Variants in CEP128 observed in about 807,000 individuals in gnomAD.
The protein encoded by CEP128 is centrosomal protein 128kDa.
CEP128 carries 132 observed loss-of-function variants against 156.7 expected under a neutral mutation model. The ratio of observed to expected loss-of-function variants is 0.84; its 90% CI spans 0.73 to 0.97. The LOEUF is 0.97. CEP128 is among the 50% of genes least tolerant of loss of function. The probability of loss-of-function intolerance (pLI) is 0.00; values close to 1 mark genes in which losing one functional copy is unlikely to be tolerated. For missense variants in CEP128, 1,252 were observed against 1,281.9 expected, an observed-to-expected ratio of 0.98 and a Z score of 0.36; for synonymous variants, 469 against 448.9, an observed-to-expected ratio of 1.04 and a Z score of -0.57.
chr14:80,622,479 G>C (rs1407425947), intron 19 of CEP128, among the ~76,000 whole-genome samples: 1 of 148,998 alleles, frequency 6.7e-6, no homozygotes, highest in East Asian at 2.0e-4. Context: ...AAACTAAAGA[G>C]CTTCTGCACA....
chr14:80,675,199 G>C (rs1482823773), intron 19 of CEP128, among the ~76,000 whole-genome samples: 1 of 151,978 alleles, frequency 6.6e-6, no homozygotes, highest in Non-Finnish European at 1.5e-5. Context: ...GCTATTCAAA[G>C]TGTGTTGATG....
chr14:80,758,913 A>G (rs1332028785), intron 17 of CEP128, among the ~76,000 whole-genome samples: 1 of 152,212 alleles, frequency 6.6e-6, no homozygotes, highest in African/African-American at 2.4e-5. Context: ...AAGGTCATAT[A>G]TTAGAAATTT....
At chr14:80,548,593 T>C (rs1890085843) in intron 21 of CEP128, among the ~76,000 whole-genome samples, 1 of 152,212 alleles carries the variant, frequency 6.6e-6, no homozygotes, top group African/African-American at 2.4e-5. Flanking sequence ...GATACTGCCA[T>C]TGTGCTTTAC....
intron 13 of CEP128, among the ~76,000 whole-genome samples, chr14:80,808,184 T>G (rs1381404322): frequency 6.6e-6 from 1 of 152,094 alleles, no homozygotes; most frequent in Non-Finnish European, 1.5e-5. Context: ...AATAGAAAAG[T>G]GAGACACCTT....
intron 8 of CEP128, among the ~76,000 whole-genome samples, chr14:80,891,369 A>C (rs867378877): frequency 1.3e-5 from 2 of 152,126 alleles, no homozygotes; most frequent in East Asian, 3.8e-4. Flanking sequence ...AGTACTATTC[A>C]GCCAAAAAAA....
rs1566831557 is a variant in CEP128 at position 80,647,053 on chromosome 14, A to ATGTGTGTGTG, written c.2807-66631_2807-66630insCACACACACA. On this transcript the variant is annotated intron_variant, in intron 19 of 24. Transcript: ENST00000555265. ...TGTGTGCATGTATATATATATATAT[A>ATGTGTGTGTG]TATATATATATATATATATATATAT... 3.2e-3 allele frequency among the ~76,000 whole-genome samples: 44 copies of ATGTGTGTGTG among 13,718 alleles called. 5 individuals carry two copies. Among genetic ancestry groups the ATGTGTGTGTG allele is most frequent in the East Asian group, 7.6e-3 (2 of 264 alleles). 9.0% of individuals were successfully genotyped at this position (13,718 alleles called of 152,430 possible).
chr14:80,533,768 A>G (rs568278579), intron 21 of CEP128, among the ~76,000 whole-genome samples: 1 of 152,212 alleles, frequency 6.6e-6, no homozygotes, highest in Admixed American at 6.5e-5. Context: ...CATTGCTTAT[A>G]AATATCTTCC....
intron 20 of CEP128, among the ~76,000 whole-genome samples, chr14:80,561,106 A>G (rs1890653211): frequency 6.6e-6 from 1 of 152,184 alleles, no homozygotes; most frequent in Admixed American, 6.5e-5. Context: ...GCTCACTTAT[A>G]AAGACTTCTG....
intron 2 of CEP128, among the ~76,000 whole-genome samples, chr14:80,924,994 G>A (rs1421479421): frequency 6.6e-6 from 1 of 152,082 alleles, no homozygotes; most frequent in East Asian, 1.9e-4. Flanking sequence ...TGAATCACAA[G>A]TTTCTGGTTT....
intron 13 of CEP128, among the ~76,000 whole-genome samples, chr14:80,826,078 C>T (rs1885459549): frequency 6.9e-6 from 1 of 145,708 alleles, no homozygotes; most frequent in East Asian, 2.2e-4. Flanking sequence ...TGCACTCCAC[C>T]CTGGGTGACA....
At chr14:80,631,495 T>C (rs1385856886) in intron 19 of CEP128, among the ~76,000 whole-genome samples, 1 of 152,058 alleles carries the variant, frequency 6.6e-6, no homozygotes, top group Non-Finnish European at 1.5e-5. Flanking sequence ...TTACATACCA[T>C]TAATATGCTT....
At chr14:80,732,471 G>GGTGTGTGTGTGTGTGTGT (rs10672093) in intron 19 of CEP128, among the ~76,000 whole-genome samples, 15 of 127,726 alleles carry the variant, frequency 1.2e-4, no homozygotes, top group Admixed American at 4.0e-4. Context: ...TGATTAAGCA[G>GGTGTGTGTGTGTGTGTGT]GTGTGTGTGT....
chr14:80,748,148 T>C (rs1899202824), intron 18 of CEP128, among the ~76,000 whole-genome samples: 1 of 152,146 alleles, frequency 6.6e-6, no homozygotes, highest in Admixed American at 6.5e-5. Flanking sequence ...CTCTGTCTTG[T>C]CTGGATGTCA....
Position 80,838,230 on chromosome 14 carries a change from C to G in CEP128, c.898G>C (p.Gly300Arg). Residue 300 changes from glycine to arginine, a missense_variant, in exon 11 of 25, where the codon GGC becomes CGC. Physicochemically the swap from Gly to Arg is moderately radical, Grantham distance 125. Transcript: ENST00000555265. ...TGATGCAAAAGTGTTTCTCGGCTGC[C>G]TTCTGATTGATTCAATAACCTTCGA... ...LSRRLLNQSEGSRETLLHQVE... is the reference protein window; with the variant it reads ...LSRRLLNQSERSRETLLHQVE... 1 of 1,613,278 alleles carries G rather than the reference C, an allele frequency of 6.2e-7. No homozygotes were observed. The highest frequency in any genetic ancestry group is 8.5e-7 in the Non-Finnish European group (1 of 1,179,496).
At chr14:80,596,729 C>T (rs1386458769) in intron 19 of CEP128, among the ~76,000 whole-genome samples, 2 of 76,630 alleles carry the variant, frequency 2.6e-5, no homozygotes, top group African/African-American at 7.2e-5. Context: ...AGAAGGATCA[C>T]TTCACTTGAG....
chr14:80,513,670 T>A (rs1888360753), intron 23 of CEP128, among the ~76,000 whole-genome samples: 1 of 152,120 alleles, frequency 6.6e-6, no homozygotes, highest in African/African-American at 2.4e-5. Context: ...GTCTAAGGGG[T>A]CTGGAGAGTT....
upstream of CEP128, chr14:80,959,496 A>G (rs1594889530): frequency 2.0e-5 from 3 of 152,240 alleles, no homozygotes; most frequent in East Asian, 3.8e-4. Flanking sequence ...ATAAGGAGGT[A>G]GAAAGGATTT....
chr14:80,649,505 C>A (rs1197897345), intron 19 of CEP128, among the ~76,000 whole-genome samples: 1 of 152,054 alleles, frequency 6.6e-6, no homozygotes, highest in African/African-American at 2.4e-5. Flanking sequence ...GTCCCTGGAA[C>A]AGCATTAAGA....
At chr14:80,547,619 G>A (rs1314656072) in intron 21 of CEP128, among the ~76,000 whole-genome samples, 4 of 152,106 alleles carry the variant, frequency 2.6e-5, no homozygotes, top group Admixed American at 6.6e-5. Flanking sequence ...CTTGTCTGCT[G>A]TATGCTTTAT....
Sources: allele counts gnomAD v4.1 joint callset (sites outside exome capture counted in the v4.1 genomes callset), GRCh38; gene constraint gnomAD v4.1.1; transcripts MANE v1.5; gene names NCBI Gene and HGNC (gene_info 2026-07-23, HGNC 2026-07-21).